The following GALNT17 variants were observed in gnomAD, a reference collection of about 807,000 sequenced individuals.
GALNT17 encodes the protein UDP-GalNAc:polypeptide N-acetylgalactosaminyltransferase-like 3.
A neutral mutation model predicts 63.7 loss-of-function variants in GALNT17; 29 were observed. The ratio of observed to expected loss-of-function variants is 0.46; its 90% CI spans 0.34 to 0.62. The LOEUF is 0.62. GALNT17 is among the 20% of genes least tolerant of loss of function. The pLI is 0.01. For missense variants in GALNT17, 603 were observed against 799.6 expected (o/e 0.75, Z 2.97); for synonymous variants, 305 against 318.3 (o/e 0.96, Z 0.45).
intron 1 of GALNT17, among the ~76,000 whole-genome samples, chr7:71,313,127 C>T (rs1791440158): frequency 6.6e-6 from 1 of 152,084 alleles, no homozygotes; most frequent in Admixed American, 6.6e-5. Flanking sequence ...ATATATATCC[C>T]ATCCCAGAGT....
rs1585862952 is a variant in GALNT17 at position 71,182,193 on chromosome 7, A to C, written c.238+49153A>C. On this transcript the variant is annotated intron_variant, in intron 1 of 10. Transcript: ENST00000333538. ...TCCATCTAAAAAAAATAAATAAATA[A>C]GAGAGAGAATCACTAGTTGGCACTT... 2.0e-5 allele frequency among the ~76,000 whole-genome samples: 3 copies of C among 152,272 alleles called. No individual in the cohort carries two copies. In the East Asian group the frequency reaches 5.8e-4, roughly 29 times the overall value.
Position 71,651,562 on chromosome 7 carries a change from G to A in GALNT17, c.1081-13849G>A, listed in dbSNP as rs60274623. ...CATGATCCACCTGCCTCGGCCTCCC[G>A]AAAGTGCTGGGATTATAGGCGTGAG... On this transcript the variant is annotated intron_variant, in intron 6 of 10. Transcript: ENST00000333538. Among the ~76,000 whole-genome samples the A allele has an allele frequency of 1.7e-4, 26 of 152,104 alleles. No individual in the cohort carries two copies. The South Asian group carries it at 4.4e-3, about 25-fold the overall frequency.
Position 71,134,835 on chromosome 7 carries a change from G to GTTTTTTTTTTTTTT in GALNT17, c.238+1813_238+1826dup, listed in dbSNP as rs561383417. On this transcript the variant is annotated intron_variant, in intron 1 of 10. Coordinates refer to ENST00000333538, the MANE Select transcript of GALNT17 (RefSeq NM_022479.3). The stretch of plus-strand genomic sequence containing the variant: ...TTAGTATCAGTTTCTTTGTTTTATG[G>GTTTTTTTTTTTTTT]TTTTTTTTTTTTTTTTTTTTTTTTT... 5.2e-5 allele frequency among the ~76,000 whole-genome samples: 3 copies of GTTTTTTTTTTTTTT among 57,888 alleles called. 1 individual carries two copies. The highest frequency in any genetic ancestry group is 3.0e-4 in the Admixed American group (1 of 3,290). The allele number at this position is 57,888 out of a possible 152,430, so 38.0% of individuals were successfully genotyped here.
chr7:71,349,547 A>G (rs765559457), intron 2 of GALNT17, among the ~76,000 whole-genome samples: 5 of 152,256 alleles, frequency 3.3e-5, no homozygotes, highest in Non-Finnish European at 7.3e-5. Context: ...AAATAGTCAC[A>G]TGCGGTAAAC....
rs528061396 is a variant in GALNT17 at position 71,618,528 on chromosome 7, C to G, written c.1081-46883C>G. On this transcript the variant is annotated intron_variant, in intron 6 of 10. Transcript: ENST00000333538. ...CATTCTGACTGGTATGAGATGGTAT[C>G]TCACTGTGGTTTTGATTTGCATTTC... Among the ~76,000 whole-genome samples, 3 of 152,210 alleles carry G rather than the reference C, an allele frequency of 2.0e-5. No individual in the cohort carries two copies. The East Asian group carries it at 5.8e-4, about 29-fold the overall frequency.
At chr7:71,693,165 A>T (rs1411757659) in intron 9 of GALNT17, among the ~76,000 whole-genome samples, 1 of 150,136 alleles carries the variant, frequency 6.7e-6, no homozygotes, top group South Asian at 2.1e-4. Flanking sequence ...ATATTTAAGT[A>T]TATACTATAA....
intron 5 of GALNT17, among the ~76,000 whole-genome samples, chr7:71,569,655 T>C (rs147616492): frequency 1.3e-5 from 2 of 152,328 alleles, no homozygotes; most frequent in African/African-American, 4.8e-5. Flanking sequence ...GGGAACAACT[T>C]TTCCACACTA....
At chr7:71,501,309 T>C (rs1397448379) in intron 5 of GALNT17, among the ~76,000 whole-genome samples, 3 of 150,972 alleles carry the variant, frequency 2.0e-5, no homozygotes, top group Non-Finnish European at 4.4e-5. Flanking sequence ...CTGTCATCCA[T>C]GCTGGAGTGC....
rs201850381 is a variant in GALNT17 at position 71,307,177 on chromosome 7, TG to T, written c.239-28371del. 9.6e-4 allele frequency among the ~76,000 whole-genome samples: 146 copies of T among 152,190 alleles called. 1 individual carries two copies. The highest frequency in any genetic ancestry group is 3.4e-3 in the African/African-American group (142 of 41,546). On this transcript the variant is annotated intron_variant, in intron 1 of 10. Transcript: ENST00000333538. Reference sequence around the variant, plus strand: ...CCAGAAGTAAAATTCCTGGATCCTGTGGTAATTCTATGTTTAACTTTTTGCA... The same window carrying T: ...CCAGAAGTAAAATTCCTGGATCCTGTGTAATTCTATGTTTAACTTTTTGCA...
chr7:71,537,113 C>T (rs1046658237), intron 5 of GALNT17, among the ~76,000 whole-genome samples: 6 of 152,232 alleles, frequency 3.9e-5, no homozygotes, highest in Non-Finnish European at 7.3e-5. Context: ...TCCCAAGTGC[C>T]TCCACTTCTT....
rs368048340 is a variant in GALNT17 at position 71,210,747 on chromosome 7, A to G, written c.238+77707A>G. ...GACCTTCAAGTTATTTGTCCTCCCTATGCCTCACTTTCCTCATGTGTGAAG... is the reference window on the plus strand; with the variant it reads ...GACCTTCAAGTTATTTGTCCTCCCTGTGCCTCACTTTCCTCATGTGTGAAG... On this transcript the variant is annotated intron_variant, in intron 1 of 10. Transcript: ENST00000333538. 4.6e-5 allele frequency among the ~76,000 whole-genome samples: 7 copies of G among 152,200 alleles called. No individual in the cohort carries two copies. The South Asian group carries it at 1.5e-3, about 32-fold the overall frequency.
At chr7:71,389,219 C>T (rs932111160) in intron 3 of GALNT17, among the ~76,000 whole-genome samples, 14 of 151,968 alleles carry the variant, frequency 9.2e-5, no homozygotes, top group Non-Finnish European at 1.9e-4. Flanking sequence ...CTGCAACCTT[C>T]ACATCTCAGG....
intron 2 of GALNT17, among the ~76,000 whole-genome samples, chr7:71,385,897 T>C (rs1027197265): frequency 2.0e-5 from 3 of 152,128 alleles, no homozygotes; most frequent in African/African-American, 7.2e-5. Context: ...TGAAACCCCA[T>C]CTCTATTAAA....
chr7:71,150,656 G>T (rs1028588862), intron 1 of GALNT17, among the ~76,000 whole-genome samples: 10 of 151,676 alleles, frequency 6.6e-5, no homozygotes, highest in Non-Finnish European at 2.9e-5. Flanking sequence ...GACTACAGGT[G>T]CCTGCCACCA....
chr7:71,189,019 A>C (rs1420651442), intron 1 of GALNT17, among the ~76,000 whole-genome samples: 3 of 152,192 alleles, frequency 2.0e-5, no homozygotes, highest in African/African-American at 4.8e-5. Flanking sequence ...AAGACTAGAC[A>C]AAAGAGCTTG....
chr7:71,400,799 G>T (rs1489428749), intron 3 of GALNT17, among the ~76,000 whole-genome samples: 2 of 152,180 alleles, frequency 1.3e-5, no homozygotes, highest in Admixed American at 6.5e-5. Flanking sequence ...TGACTGATTG[G>T]TTATAAAGAG....
At chr7:71,227,593 C>G (rs1409167750) in intron 1 of GALNT17, among the ~76,000 whole-genome samples, 1 of 152,092 alleles carries the variant, frequency 6.6e-6, no homozygotes, top group Non-Finnish European at 1.5e-5. Context: ...CCCTCCTACC[C>G]CCCTTGCTAG....
intron 1 of GALNT17, among the ~76,000 whole-genome samples, chr7:71,160,246 T>G (rs1197972485): frequency 6.6e-6 from 1 of 152,238 alleles, no homozygotes; most frequent in African/African-American, 2.4e-5. Context: ...CATACTCATG[T>G]ATAAACACTT....
chr7:71,664,856 A>T (rs1182328689), intron 6 of GALNT17, among the ~76,000 whole-genome samples: 1 of 152,100 alleles, frequency 6.6e-6, no homozygotes. Context: ...TGGATTTTAT[A>T]TCCTGAGCTG....
Sources: gnomAD v4.1 joint callset for allele counts (sites outside exome capture counted in the v4.1 genomes callset) on GRCh38, gnomAD v4.1.1 for gene constraint, MANE v1.5 for transcripts, NCBI Gene and HGNC (gene_info 2026-07-23, HGNC 2026-07-21) for gene names.